Variants in KIF5A observed in about 807,000 individuals in gnomAD.
The protein encoded by KIF5A is kinesin family member 5A.
KIF5A carries 35 observed loss-of-function variants against 141.3 expected under a neutral mutation model. The observed-to-expected ratio is 0.25, with a 90% CI of 0.19 to 0.33. KIF5A has a LOEUF of 0.33. Ranked by LOEUF, KIF5A falls within the 10% of genes least tolerant of loss-of-function variation. KIF5A has a pLI of 1.00. For synonymous variants in KIF5A, 448 were observed against 500.2 expected, an observed-to-expected ratio of 0.90 and a Z score of 1.39; for missense variants, 861 against 1,314.3, an observed-to-expected ratio of 0.66 and a Z score of 5.33.
At chr12:57,571,295 C>T (rs779557989) in intron 12 of KIF5A, 26 bp from the exon 13 acceptor site, 7 of 1,403,992 alleles carry the variant, frequency 5.0e-6, no homozygotes, top group South Asian at 4.6e-5. Flanking sequence ...TTCCCTTCAC[C>T]TGTCTTTCCC....
rs1180273972 is a variant in KIF5A at position 57,582,907 on chromosome 12, C to A, written c.3021-194C>A. ...GGCATCTGACGACTGGGTTTCTCTCCTACCTTTGGAAGCCTTGTGACATTG... is the reference window on the plus strand; with the variant it reads ...GGCATCTGACGACTGGGTTTCTCTCATACCTTTGGAAGCCTTGTGACATTG... On this transcript the variant is annotated intron_variant, in intron 27 of 28. Transcript: ENST00000455537. The A allele has an allele frequency of 2.6e-5, 17 of 658,250 alleles. No homozygotes were observed. The Admixed American group carries it at 3.5e-4, about 14-fold the overall frequency. 40.8% of individuals were successfully genotyped at this position (658,250 alleles called of 1,614,324 possible).
intron 17 of KIF5A, 35 bp downstream of exon 17, chr12:57,575,792 G>A: frequency 7.0e-7 from 1 of 1,428,236 alleles, no homozygotes; most frequent in Admixed American, 1.7e-5. Flanking sequence ...CCACTGTCCA[G>A]GGCAGAAAAG....
chr12:57,577,222 T>C (rs910412969), intron 20 of KIF5A, among the ~76,000 whole-genome samples: 6 of 152,204 alleles, frequency 3.9e-5, no homozygotes, highest in African/African-American at 1.4e-4. Flanking sequence ...ATCATAGGCT[T>C]TTTATAAAAA....
intron 1 of KIF5A, 27 bp from the exon 2 acceptor site, chr12:57,563,412 G>T (rs375114892): frequency 3.3e-6 from 5 of 1,537,494 alleles, no homozygotes; most frequent in South Asian, 1.1e-5. Flanking sequence ...GCCTGTTGAC[G>T]TCTGATATCT....
rs1410269382 is a variant in KIF5A, at chr12:57,569,969, C to T, written c.1118-18C>T. ...CTTCTTCTTCTTCCATCTCTCACCT[C>T]GTCTTGCCCCTTTGCAGGAGAGAAT... On this transcript the variant is annotated intron_variant, in intron 11 of 28. Transcript: ENST00000455537. 21 of 1,611,186 alleles carry T rather than the reference C, an allele frequency of 1.3e-5. No individual in the cohort carries two copies. The highest frequency in any genetic ancestry group is 1.5e-5 in the Non-Finnish European group (18 of 1,178,110).
At chr12:57,553,682 G>T (rs998791569) in intron 1 of KIF5A, among the ~76,000 whole-genome samples, 6 of 152,104 alleles carry the variant, frequency 3.9e-5, no homozygotes, top group Non-Finnish European at 8.8e-5. Flanking sequence ...TAAACCCCCA[G>T]CCCCAATTAG....
intron 25 of KIF5A, 90 bp downstream of exon 25, chr12:57,581,658 T>G (rs1252033550): frequency 8.1e-6 from 12 of 1,484,022 alleles, no homozygotes; most frequent in Non-Finnish European, 1.1e-5. Flanking sequence ...GGTTGTGGCT[T>G]AATTATTTTC....
rs1387856537 is a variant in KIF5A at position 57,581,902 on chromosome 12, C to A, written c.2942C>A (p.Thr981Lys). 8 of 1,613,986 alleles carry A rather than the reference C, an allele frequency of 5.0e-6. No individual in the cohort carries two copies. In the South Asian group the frequency reaches 8.8e-5, roughly 18 times the overall value. The change falls in exon 26 of 29, where the codon ACA becomes AAA. Residue 981 changes from threonine (T) to lysine (K), a missense_variant. Thr to Lys is a moderately conservative substitution (Grantham distance 78). This residue lies in a region of KIF5A where 482 missense variants were observed against 661.3 expected (regional missense o/e 0.73). Coordinates refer to ENST00000455537, the MANE Select transcript of KIF5A (RefSeq NM_004984.4). ...FANSCTSSGATSSGGPLASYQ... is the reference protein window; with the variant it reads ...FANSCTSSGAKSSGGPLASYQ... Reference sequence around the variant, plus strand: ...AACTCCTGTACCAGCAGTGGAGCCACATCTTCTGGCGGCCCCTTGGCTTCC... The same window carrying A: ...AACTCCTGTACCAGCAGTGGAGCCAAATCTTCTGGCGGCCCCTTGGCTTCC...
chr12:57,564,317 G>C, intron 4 of KIF5A, 105 bp downstream of exon 4: 1 of 1,084,080 alleles, frequency 9.2e-7, no homozygotes, highest in Non-Finnish European at 1.4e-6. Flanking sequence ...TCCCTTTCCG[G>C]TTACCAGAGT....
chr12:57,575,887 C>T, intron 17 of KIF5A, 130 bp downstream of exon 17: 1 of 905,758 alleles, frequency 1.1e-6, no homozygotes, highest in Non-Finnish European at 1.9e-6. Context: ...ATATGTTAGC[C>T]AAGGTTTTGC....
chr12:57,569,837 G>T, intron 11 of KIF5A, 150 bp from the exon 12 acceptor site: 1 of 1,384,700 alleles, frequency 7.2e-7, no homozygotes, highest in South Asian at 1.4e-5. Flanking sequence ...ATGGGGGAAG[G>T]GAGGGGCCTG....
intron 1 of KIF5A, among the ~76,000 whole-genome samples, chr12:57,556,444 T>C (rs2140154387): frequency 6.6e-6 from 1 of 152,176 alleles, no homozygotes; most frequent in South Asian, 2.1e-4. Context: ...AGCCCACTCT[T>C]GGGTATCTTT....
chr12:57,575,783 C>T, intron 17 of KIF5A, 26 bp downstream of exon 17: 1 of 1,482,194 alleles, frequency 6.7e-7, no homozygotes, highest in Non-Finnish European at 9.4e-7. Flanking sequence ...ACCTCCATCC[C>T]ACTGTCCAGG....
Position 57,572,795 on chromosome 12 carries a change from G to C in KIF5A, c.1716+69G>C, listed in dbSNP as rs1050916637. ...TGGAAGACGCAAGATGAGCCATCCA[G>C]GCCTTCACAGATACTGAGAAAGGCA... is the stretch of plus-strand genomic sequence containing the variant. On this transcript the variant is annotated intron_variant, in intron 15 of 28. Coordinates refer to ENST00000455537, the MANE Select transcript of KIF5A (RefSeq NM_004984.4). This position sits in a 1 kb window ranked among gnomAD's most constrained non-coding sequence, Gnocchi z 4.2. The C allele has an allele frequency of 1.1e-5, 18 of 1,574,214 alleles. No homozygotes were observed. Among genetic ancestry groups the C allele is most frequent in the Non-Finnish European group, 1.3e-5 (15 of 1,144,054 alleles).
chr12:57,582,699 C>T, intron 27 of KIF5A, 70 bp downstream of exon 27: 1 of 1,320,960 alleles, frequency 7.6e-7, no homozygotes, highest in Non-Finnish European at 1.1e-6. Flanking sequence ...TTCCCTTGTG[C>T]CCCACTTGGA....
Position 57,577,705 on chromosome 12 carries a change from T to C in KIF5A, c.2301-8T>C, listed in dbSNP as rs1882469911. 2 of 1,612,518 alleles carry C rather than the reference T, an allele frequency of 1.2e-6. No homozygotes were observed. Among genetic ancestry groups the C allele is most frequent in the Admixed American group, 1.7e-5 (1 of 59,978 alleles). On this transcript the variant is annotated splice_region_variant and splice_polypyrimidine_tract_variant and intron_variant, in intron 20 of 28. Transcript: ENST00000455537. ...ATCTTTCCATTTCCCTTATTTCTCT[T>C]GCTACAGATTTCTGTACGAGCGACA...
rs1230685850 is a variant in KIF5A, at chr12:57,564,218, C to A, written c.396+6C>A. ...ACCTTGAGTTCCACATCAAGGTGACCAGGGCACGACAGCTGGGCATTCAGA... is the reference window on the plus strand; with the variant it reads ...ACCTTGAGTTCCACATCAAGGTGACAAGGGCACGACAGCTGGGCATTCAGA... On this transcript the variant is annotated splice_donor_region_variant and intron_variant, in intron 4 of 28. Transcript: ENST00000455537. The A allele has an allele frequency of 6.4e-7, 1 of 1,570,536 alleles. No individual in the cohort carries two copies. The highest frequency in any genetic ancestry group is 1.7e-5 in the Admixed American group (1 of 59,966).
At position 57,581,532 on chromosome 12, in the gene KIF5A, A is replaced by G; in HGVS notation, c.2873A>G (p.Tyr958Cys). The G allele has an allele frequency of 1.9e-6, 3 of 1,614,052 alleles. No homozygotes were observed. Among genetic ancestry groups the G allele is most frequent in the Non-Finnish European group, 2.5e-6 (3 of 1,180,006 alleles). The change falls in exon 25 of 29, where the codon TAC becomes TGC. Residue 958 changes from tyrosine (Y) to cysteine (C), a missense_variant. Around this residue, in one of 5 missense-constraint regions of KIF5A, gnomAD observed 482 missense variants for 661.3 expected, o/e 0.73. Transcript: ENST00000455537. Reference sequence around the variant, plus strand: ...CTCTTCCAGAACTACCAGAATCTCTACCTGCAGGCCACACCCAGCTCCACC... The same window carrying G: ...CTCTTCCAGAACTACCAGAATCTCTGCCTGCAGGCCACACCCAGCTCCACC... ...NSLFQNYQNLYLQATPSSTSD... is the reference protein window; with the variant it reads ...NSLFQNYQNLCLQATPSSTSD...
intron 28 of KIF5A, 142 bp downstream of exon 28, chr12:57,583,357 T>A (rs1019734043): frequency 1.6e-6 from 1 of 639,924 alleles, no homozygotes; most frequent in Non-Finnish European, 2.8e-6. Flanking sequence ...ACTCCTGCTT[T>A]CCCCTGTTGG....
Sources: gnomAD v4.1 joint callset for allele counts (sites outside exome capture counted in the v4.1 genomes callset) on GRCh38, gnomAD v4.1.1 for gene constraint, gnomAD v4.1.1 regional missense constraint, Gnocchi (gnomAD v3.1) non-coding constraint, MANE v1.5 for transcripts, NCBI Gene and HGNC (gene_info 2026-07-23, HGNC 2026-07-21) for gene names.